EPS15L1: variants seen among roughly 807,000 people sequenced by gnomAD.
EPS15L1 encodes the protein epidermal growth factor receptor substrate 15-like 1.
A neutral mutation model predicts 117.1 loss-of-function variants in EPS15L1; 43 were observed. The observed-to-expected ratio is 0.37, with a 90% CI of 0.29 to 0.47. The LOEUF is 0.47. Ranked by LOEUF, EPS15L1 falls within the 20% of genes least tolerant of loss-of-function variation. EPS15L1 has a pLI of 0.99. For missense variants in EPS15L1, 981 were observed against 1,164.0 expected (o/e 0.84, Z 2.29); for synonymous variants, 459 against 470.5 (o/e 0.98, Z 0.32).
chr19:16,405,041 A>G lies in EPS15L1; in HGVS notation c.1267-292T>C, dbSNP rs1207277754. Among the ~76,000 whole-genome samples the G allele has an allele frequency of 6.6e-6, 1 of 152,204 alleles. No individual in the cohort carries two copies. Among genetic ancestry groups the G allele is most frequent in the African/African-American group, 2.4e-5 (1 of 41,446 alleles). On this transcript the variant is annotated intron_variant, in intron 13 of 23. Coordinates refer to ENST00000455140, the MANE Select transcript of EPS15L1 (RefSeq NM_001258374.3). This position sits in a 1 kb window ranked among gnomAD's most constrained non-coding sequence, Gnocchi z 4.0. ...GTGAGAAAAAGGCCCCAGCTCCCGG[A>G]TGACATGCAGCTGTGGCTGCGGAGG...
At chr19:16,409,562 A>G (rs909916147) in intron 13 of EPS15L1, among the ~76,000 whole-genome samples, 1 of 152,170 alleles carries the variant, frequency 6.6e-6, no homozygotes, top group Non-Finnish European at 1.5e-5. Context: ...TCCAGAGTGG[A>G]CTCTCAGTGG....
At chr19:16,375,575 AC>A (rs1273915414) in intron 22 of EPS15L1, among the ~76,000 whole-genome samples, 1 of 152,236 alleles carries the variant, frequency 6.6e-6, no homozygotes, top group African/African-American at 2.4e-5. Flanking sequence ...CTGAAGAGCC[AC>A]TGCCTCTGTG....
chr19:16,447,012 C>T (rs960773804), intron 1 of EPS15L1, among the ~76,000 whole-genome samples: 2 of 152,272 alleles, frequency 1.3e-5, no homozygotes, highest in East Asian at 3.9e-4. Flanking sequence ...AAACATAGCC[C>T]GGAGTAGAGC....
chr19:16,373,253 C>T (rs1018838057), intron 22 of EPS15L1, among the ~76,000 whole-genome samples: 3 of 152,156 alleles, frequency 2.0e-5, no homozygotes, highest in Admixed American at 6.5e-5. Flanking sequence ...TTTCACCTTC[C>T]TCCTCACTCA....
chr19:16,401,964 G>C, intron 16 of EPS15L1: 2 of 1,044,764 alleles, frequency 1.9e-6, no homozygotes, highest in Non-Finnish European at 2.3e-6. Flanking sequence ...GTAGAATGTG[G>C]GGTTTCCACA....
At chr19:16,366,652 C>CAAT (rs1466860387) in intron 22 of EPS15L1, among the ~76,000 whole-genome samples, 3 of 152,138 alleles carry the variant, frequency 2.0e-5, no homozygotes, top group Non-Finnish European at 4.4e-5. Flanking sequence ...ACAACAACAA[C>CAAT]GGTTTTTTTC....
At position 16,425,165 on chromosome 19, in the gene EPS15L1, C is replaced by T. The variant is rs1234042385; in HGVS notation, c.710G>A (p.Arg237His). 23 of 1,566,684 alleles carry T rather than the reference C, an allele frequency of 1.5e-5. No homozygotes were observed. The highest frequency in any genetic ancestry group is 5.5e-5 in the South Asian group (5 of 90,374). ...GACGCTGCCGTGGGACGGCGTGGAGCGGAGGCTGTCTTTTGGTGGGGGGCT... is the reference window on the plus strand; with the variant it reads ...GACGCTGCCGTGGGACGGCGTGGAGTGGAGGCTGTCTTTTGGTGGGGGGCT... ...PASPPPKDSLRSTPSHGSVSS... is the reference protein window; with the variant it reads ...PASPPPKDSLHSTPSHGSVSS... Residue 237 changes from arginine to histidine, a missense_variant, in exon 9 of 24, where the codon CGC (arginine) becomes CAC (histidine). Physicochemically the swap from Arg to His is conservative, Grantham distance 29 (BLOSUM62 0). Transcript: ENST00000455140.
chr19:16,468,490 C>T (rs921996103), intron 1 of EPS15L1, among the ~76,000 whole-genome samples: 2 of 152,138 alleles, frequency 1.3e-5, no homozygotes, highest in African/African-American at 4.8e-5. Flanking sequence ...GGATTATAGG[C>T]GTTTGCCACT....
chr19:16,396,627 T>C (rs985113436), intron 16 of EPS15L1, among the ~76,000 whole-genome samples: 4 of 152,190 alleles, frequency 2.6e-5, no homozygotes, highest in African/African-American at 4.8e-5. Context: ...TAAAAAATCA[T>C]TGAGTGGAAG....
At position 16,412,906 on chromosome 19, in the gene EPS15L1, A is replaced by G. The variant is rs1599604736; in HGVS notation, c.1266+867T>C. 1.9e-5 allele frequency: 12 copies of G among 636,274 alleles called. No individual in the cohort carries two copies. The East Asian group carries it at 4.0e-4, about 21-fold the overall frequency. The allele number at this position is 636,274 out of a possible 1,614,324, so 39.4% of individuals were successfully genotyped here. On this transcript the variant is annotated intron_variant, in intron 13 of 23. Coordinates refer to ENST00000455140, the MANE Select transcript of EPS15L1 (RefSeq NM_001258374.3). ...CATCACCAAGCTGGGCCGCCTGGTC[A>G]AGGACATGAAGATCAAGTCCCTGGA...
rs192708598 is a variant in EPS15L1, at chr19:16,360,652, C to A, written c.2586+1127G>T. 9.6e-4 allele frequency among the ~76,000 whole-genome samples: 146 copies of A among 152,088 alleles called. 1 individual carries two copies. Among genetic ancestry groups the A allele is most frequent in the Middle Eastern group, 6.8e-3 (2 of 292 alleles). On this transcript the variant is annotated intron_variant, in intron 23 of 23. Coordinates refer to ENST00000455140, the MANE Select transcript of EPS15L1 (RefSeq NM_001258374.3). ...GTCCCAGCTACTCAGGAGGCCAAGA[C>A]AGGAGGATCGCTTGAGCCCAGGAAT...
intron 1 of EPS15L1, among the ~76,000 whole-genome samples, chr19:16,456,838 G>A (rs1415375618): frequency 6.6e-6 from 1 of 152,090 alleles, no homozygotes; most frequent in African/African-American, 2.4e-5. Context: ...GAGAAGACAG[G>A]TGAGCTGTGG....
intron 1 of EPS15L1, among the ~76,000 whole-genome samples, chr19:16,453,055 C>T (rs1200219750): frequency 1.3e-5 from 2 of 152,006 alleles, no homozygotes; most frequent in Non-Finnish European, 2.9e-5. Flanking sequence ...CCGCCTCGGT[C>T]TCCCAAAGTG....
At chr19:16,363,393 G>T (rs940013236) in intron 22 of EPS15L1, among the ~76,000 whole-genome samples, 1 of 152,056 alleles carries the variant, frequency 6.6e-6, no homozygotes, top group African/African-American at 2.4e-5. Context: ...CACCTGCCCC[G>T]CCCACCACCT....
chr19:16,428,764 G>T lies in EPS15L1; in HGVS notation c.499-3C>A. On this transcript the variant is annotated splice_polypyrimidine_tract_variant and splice_region_variant and intron_variant, in intron 7 of 23. Transcript: ENST00000455140. ...TCAATGTCACTGAGGTCCCAGACCT[G>T]CAAGGGAGAGACCAGCATGGGTAAC... 1 of 1,608,068 alleles carries T rather than the reference G, an allele frequency of 6.2e-7. No homozygotes were observed. Among genetic ancestry groups the T allele is most frequent in the Non-Finnish European group, 8.5e-7 (1 of 1,177,388 alleles).
chr19:16,364,339 A>T (rs1245479383), intron 22 of EPS15L1, among the ~76,000 whole-genome samples: 2 of 152,166 alleles, frequency 1.3e-5, no homozygotes, highest in Non-Finnish European at 2.9e-5. Context: ...CAGGACAGGA[A>T]TGTGGCCCCT....
At chr19:16,455,750 C>T (rs1007547274) in intron 1 of EPS15L1, among the ~76,000 whole-genome samples, 3 of 152,318 alleles carry the variant, frequency 2.0e-5, no homozygotes, top group South Asian at 2.1e-4. Flanking sequence ...GCACTCCCAC[C>T]CCCGGGGACT....
At chr19:16,425,459 T>A (rs2092862525) in intron 8 of EPS15L1, 143 bp from the exon 9 acceptor site, 2 of 646,534 alleles carry the variant, frequency 3.1e-6, no homozygotes, top group East Asian at 5.5e-5. Flanking sequence ...TGAAAAGAAA[T>A]CATTCCTCAT....
Position 16,404,053 on chromosome 19 carries a change from C to A in EPS15L1, c.1429-123G>T, listed in dbSNP as rs766617787. On this transcript the variant is annotated intron_variant, in intron 14 of 23. Transcript: ENST00000455140. This position sits in a 1 kb window ranked among gnomAD's most constrained non-coding sequence, Gnocchi z 4.2. ...AAGCCAGGGACGCAGACACCTAACC[C>A]AGGCCCGACACCTGGCTTCCTTACA... 9.7e-5 allele frequency: 82 copies of A among 846,576 alleles called. No homozygotes were observed. The African/African-American group carries it at 1.3e-3, about 13-fold the overall frequency. The allele number at this position is 846,576 out of a possible 1,614,324, so 52.4% of individuals were successfully genotyped here. A position where few individuals can be genotyped will look rare whatever the true frequency, so the allele number is the denominator to read the frequency against.
Sources: allele counts gnomAD v4.1 joint callset (sites outside exome capture counted in the v4.1 genomes callset), GRCh38; gene constraint gnomAD v4.1.1; non-coding constraint Gnocchi (gnomAD v3.1); transcripts MANE v1.5; gene names NCBI Gene and HGNC (gene_info 2026-07-23, HGNC 2026-07-21).